Variants in CNTNAP2 observed in about 807,000 individuals in gnomAD.
The protein encoded by CNTNAP2 is contactin associated protein 2.
Under a neutral mutation model 155.2 loss-of-function variants are expected in CNTNAP2, and 98 were observed. The observed-to-expected ratio is 0.63, with a 90% CI of 0.54 to 0.75. CNTNAP2 has a LOEUF of 0.75. Among genes scored for constraint, CNTNAP2 ranks in the 30% least tolerant of loss-of-function variants. The pLI, the probability that CNTNAP2 is intolerant of heterozygous loss-of-function variation, is 0.00. For missense variants in CNTNAP2, 1,727 were observed against 1,688.1 expected (o/e 1.02, Z -0.40); for synonymous variants, 651 against 631.2 (o/e 1.03, Z -0.47).
chr7:147,946,676 C>A (rs1335656472), intron 14 of CNTNAP2, among the ~76,000 whole-genome samples: 1 of 151,864 alleles, frequency 6.6e-6, no homozygotes, highest in Non-Finnish European at 1.5e-5. Context: ...CAGAAGAGTA[C>A]GTGAGAAGGA....
At chr7:147,972,240 T>C (rs1164032415) in intron 14 of CNTNAP2, among the ~76,000 whole-genome samples, 1 of 152,168 alleles carries the variant, frequency 6.6e-6, no homozygotes, top group Non-Finnish European at 1.5e-5. Flanking sequence ...TGGAAATGCA[T>C]GAAAGTATGC....
At chr7:146,720,281 T>C (rs1801262795) in intron 1 of CNTNAP2, among the ~76,000 whole-genome samples, 2 of 152,152 alleles carry the variant, frequency 1.3e-5, no homozygotes, top group African/African-American at 4.8e-5. Context: ...CAGCCCCATT[T>C]ATCATCCTGT....
intron 9 of CNTNAP2, among the ~76,000 whole-genome samples, chr7:147,354,374 A>T (rs562271783): frequency 6.6e-6 from 1 of 152,236 alleles, no homozygotes; most frequent in South Asian, 2.1e-4. Context: ...TTTTCCCAAC[A>T]CTATTTATTA....
At chr7:147,095,289 G>C (rs529948664) in intron 4 of CNTNAP2, among the ~76,000 whole-genome samples, 1 of 150,762 alleles carries the variant, frequency 6.6e-6, no homozygotes, top group Non-Finnish European at 1.5e-5. Flanking sequence ...TCCCACCTCG[G>C]CCTCCCAAAG....
At chr7:148,350,548 T>C (rs1798409400) in intron 21 of CNTNAP2, among the ~76,000 whole-genome samples, 1 of 152,238 alleles carries the variant, frequency 6.6e-6, no homozygotes, top group Non-Finnish European at 1.5e-5. Flanking sequence ...GGGTCGATAA[T>C]ACTGTCTCTG....
At chr7:147,054,197 G>A (rs968117687) in intron 4 of CNTNAP2, among the ~76,000 whole-genome samples, 1 of 152,052 alleles carries the variant, frequency 6.6e-6, no homozygotes, top group African/African-American at 2.4e-5. Context: ...AAATGCTTTG[G>A]CCTATCAATT....
intron 13 of CNTNAP2, among the ~76,000 whole-genome samples, chr7:147,867,557 G>A (rs1390618455): frequency 6.6e-6 from 1 of 152,070 alleles, no homozygotes; most frequent in East Asian, 1.9e-4. Context: ...CAACTTGGTT[G>A]TATTCTCCCC....
At chr7:146,812,550 T>G (rs929000475) in intron 2 of CNTNAP2, among the ~76,000 whole-genome samples, 80 of 151,738 alleles carry the variant, frequency 5.3e-4, no homozygotes, top group African/African-American at 1.9e-3. Context: ...GCTGCACCCA[T>G]TAACTGCTGA....
At chr7:146,393,411 G>T (rs1021288218) in intron 1 of CNTNAP2, among the ~76,000 whole-genome samples, 1 of 152,168 alleles carries the variant, frequency 6.6e-6, no homozygotes, top group African/African-American at 2.4e-5. Context: ...TTCTTTGGCA[G>T]TAGAGACCTT....
intron 17 of CNTNAP2, among the ~76,000 whole-genome samples, chr7:148,150,023 A>T (rs531020748): frequency 1.3e-5 from 2 of 149,312 alleles, no homozygotes; most frequent in East Asian, 2.0e-4. Context: ...CATCTCTCAG[A>T]TATGAGCTAC....
At chr7:148,068,066 C>T (rs1042572499) in intron 15 of CNTNAP2, among the ~76,000 whole-genome samples, 17 of 152,272 alleles carry the variant, frequency 1.1e-4, no homozygotes, top group African/African-American at 4.1e-4. Context: ...TCCCAGACTA[C>T]AAGCCTCCCA....
intron 13 of CNTNAP2, among the ~76,000 whole-genome samples, chr7:147,871,524 C>T (rs992012428): frequency 6.6e-6 from 1 of 152,192 alleles, no homozygotes; most frequent in Admixed American, 6.5e-5. Context: ...TGGGACTCCT[C>T]CTCTGCCTCA....
intron 12 of CNTNAP2, among the ~76,000 whole-genome samples, chr7:147,636,533 G>A (rs147801538): frequency 0.024 from 3,588 of 152,148 alleles, 243 homozygotes; most frequent in Admixed American, 0.15. Context: ...CTATCAACCT[G>A]TCATCTAGGT....
At chr7:147,205,807 A>G (rs913324512) in intron 8 of CNTNAP2, among the ~76,000 whole-genome samples, 3 of 152,180 alleles carry the variant, frequency 2.0e-5, no homozygotes, top group Non-Finnish European at 4.4e-5. Context: ...GTTAGAAGGA[A>G]TAAAAACTAG....
chr7:147,504,621 A>G (rs9655712), intron 11 of CNTNAP2, among the ~76,000 whole-genome samples: 72,097 of 148,918 alleles, frequency 0.48, 18,258 homozygotes, highest in Non-Finnish European at 0.56. Context: ...CCCGGGAGGC[A>G]GAGGTTGCAG....
At chr7:146,293,731 G>GTTAA (rs1800468245) in intron 1 of CNTNAP2, among the ~76,000 whole-genome samples, 2 of 151,620 alleles carry the variant, frequency 1.3e-5, no homozygotes, top group Non-Finnish European at 2.9e-5. Context: ...TGCTCATTGG[G>GTTAA]TTTCTTTTTA....
intron 1 of CNTNAP2, among the ~76,000 whole-genome samples, chr7:146,257,091 A>G (rs1799850959): frequency 6.6e-6 from 1 of 152,228 alleles, no homozygotes; most frequent in Non-Finnish European, 1.5e-5. Flanking sequence ...AGACCTAGCC[A>G]CAGGCAATAG....
chr7:147,951,304 A>C (rs1377714025), intron 14 of CNTNAP2, among the ~76,000 whole-genome samples: 1 of 152,194 alleles, frequency 6.6e-6, no homozygotes, highest in African/African-American at 2.4e-5. Flanking sequence ...CAGAAAGAAA[A>C]ATTTACAATC....
intron 13 of CNTNAP2, among the ~76,000 whole-genome samples, chr7:147,678,249 C>T (rs144442300): frequency 0.016 from 2,487 of 151,820 alleles, 222 homozygotes; most frequent in Admixed American, 0.15. Context: ...CAGTTTTTCC[C>T]AATACCAGGG....
Sources: gnomAD v4.1 joint callset for allele counts (sites outside exome capture counted in the v4.1 genomes callset) on GRCh38, gnomAD v4.1.1 for gene constraint, MANE v1.5 for transcripts, NCBI Gene and HGNC (gene_info 2026-07-23, HGNC 2026-07-21) for gene names.